CYP11A1: variants seen among roughly 807,000 people sequenced by gnomAD.
CYP11A1 encodes the protein cytochrome P450 family 11 subfamily A member 1.
Under a neutral mutation model 51.9 loss-of-function variants are expected in CYP11A1, and 25 were observed. The observed-to-expected ratio is 0.48, with a 90% CI of 0.35 to 0.67. The LOEUF is 0.67. Among genes scored for constraint, CYP11A1 ranks in the 30% least tolerant of loss-of-function variants. CYP11A1 has a pLI of 0.00. For missense variants in CYP11A1, 578 were observed against 680.9 expected, an observed-to-expected ratio of 0.85 and a Z score of 1.68; for synonymous variants, 245 against 262.1, an observed-to-expected ratio of 0.93 and a Z score of 0.63.
At chr15:74,343,237 C>G (rs2060616063) in intron 4 of CYP11A1, 100 bp from the exon 5 acceptor site, 1 of 1,251,064 alleles carries the variant, frequency 8.0e-7, no homozygotes, top group African/African-American at 1.5e-5. Context: ...CCTGGGGATT[C>G]CGGAGCCCTG....
intron 1 of CYP11A1, among the ~76,000 whole-genome samples, chr15:74,353,323 A>C (rs2060664247): frequency 6.6e-6 from 1 of 152,218 alleles, no homozygotes; most frequent in Admixed American, 6.5e-5. Context: ...ACATTTGGCT[A>C]ATTAACATTT....
intron 5 of CYP11A1, among the ~76,000 whole-genome samples, chr15:74,340,254 A>G (rs1018888514): frequency 6.6e-6 from 1 of 152,234 alleles, no homozygotes; most frequent in African/African-American, 2.4e-5. Context: ...CTGAAACCAG[A>G]CCAGCCGGAT....
At chr15:74,359,804 T>C (rs2060698915) in intron 1 of CYP11A1, among the ~76,000 whole-genome samples, 1 of 152,226 alleles carries the variant, frequency 6.6e-6, no homozygotes, top group Non-Finnish European at 1.5e-5. Flanking sequence ...CCCTGAAATC[T>C]GGCATGCCGG....
chr15:74,361,620 C>G, intron 1 of CYP11A1: 1 of 1,175,276 alleles, frequency 8.5e-7, no homozygotes, highest in Non-Finnish European at 1.3e-6. Context: ...CTCCTTTGAG[C>G]TGTTTGCAGA....
chr15:74,339,232 C>T lies in CYP11A1; in HGVS notation c.1236+5G>A, dbSNP rs1209921615. The stretch of plus-strand genomic sequence containing the variant: ...CAGAGCCTGCAGCCTGCTGGCTGCA[C>T]CTACCTTGGCAGGAATCATGTAATC... On this transcript the variant is annotated splice_donor_5th_base_variant and intron_variant, in intron 7 of 8. Coordinates refer to ENST00000268053, the MANE Select transcript of CYP11A1 (RefSeq NM_000781.3). 1.9e-6 allele frequency: 3 copies of T among 1,612,808 alleles called. No homozygotes were observed. The highest frequency in any genetic ancestry group is 2.5e-6 in the Non-Finnish European group (3 of 1,178,760).
At chr15:74,358,363 G>A (rs2060691369) in intron 1 of CYP11A1, among the ~76,000 whole-genome samples, 1 of 152,114 alleles carries the variant, frequency 6.6e-6, no homozygotes, top group Admixed American at 6.5e-5. Context: ...TTAGACCAAG[G>A]AAAATATCTC....
At chr15:74,348,258 C>T (rs1184319284) in intron 1 of CYP11A1, 1 of 603,262 alleles carries the variant, frequency 1.7e-6, no homozygotes, top group African/African-American at 1.9e-5. Flanking sequence ...AAGGACAAGA[C>T]AATAGGAAGT....
Position 74,338,529 on chromosome 15 carries a change from A to C in CYP11A1, c.1434+42T>G, listed in dbSNP as rs1210519102. ...GAAGATTGGTGCCTTCATTAGGGCC[A>C]GGGCCAGCCCAGGGTGCCTAGATGT... On this transcript the variant is annotated intron_variant, in intron 8 of 8. Transcript: ENST00000268053. 5.6e-6 allele frequency: 9 copies of C among 1,599,498 alleles called. No individual in the cohort carries two copies. The African/African-American group carries it at 1.2e-4, about 21-fold the overall frequency.
At position 74,367,602 on chromosome 15, in the gene CYP11A1, T is replaced by G. The variant is rs370441425; in HGVS notation, c.-17A>C. On this transcript the variant is annotated 5_prime_UTR_variant, in exon 1 of 9. Transcript: ENST00000268053. The stretch of plus-strand genomic sequence containing the variant: ...GGCCAGCATGCTGTCCCCACAGCTG[T>G]GACTGTACCTGCTCCACTTCAGCGG... The G allele has an allele frequency of 4.3e-6, 7 of 1,611,968 alleles. No homozygotes were observed. The African/African-American group carries it at 8.0e-5, about 18-fold the overall frequency.
In CYP11A1 at chr15:74,346,314, T is replaced by C. The variant is rs180979535; in HGVS notation, c.426-1071A>G. ...GTTGGAGTGAGCCAAGATCGTGCCA[T>C]TGCACTCCAGCCTGGGTGACAGAGC... On this transcript the variant is annotated intron_variant, in intron 2 of 8. Coordinates refer to ENST00000268053, the MANE Select transcript of CYP11A1 (RefSeq NM_000781.3). Among the ~76,000 whole-genome samples the C allele has an allele frequency of 5.1e-4, 72 of 142,424 alleles. 1 individual carries two copies. In the East Asian group the frequency reaches 0.014, roughly 28 times the overall value. The allele number at this position is 142,424 out of a possible 152,430, so 93.4% of individuals were successfully genotyped here.
chr15:74,367,177 C>T (rs1366086439), intron 1 of CYP11A1, 140 bp downstream of exon 1: 3 of 738,832 alleles, frequency 4.1e-6, no homozygotes, highest in Non-Finnish European at 6.5e-6. Context: ...TATTGTATTA[C>T]CAAAAAAAAA....
chr15:74,340,864 C>G (rs2060603694), intron 5 of CYP11A1, among the ~76,000 whole-genome samples: 1 of 152,050 alleles, frequency 6.6e-6, no homozygotes, highest in African/African-American at 2.4e-5. Context: ...CCAACACACA[C>G]CTAATGTTCC....
rs558768144 is a variant in CYP11A1, at chr15:74,361,912, G to A, written c.269+5405C>T. 1.2e-4 allele frequency: 132 copies of A among 1,115,898 alleles called. No individual in the cohort carries two copies. The East Asian group carries it at 3.1e-3, about 26-fold the overall frequency. 69.1% of individuals were successfully genotyped at this position (1,115,898 alleles called of 1,614,324 possible). ...TTCATCTGCACTGACAAGACTGAGT[G>A]GTGGATGGCAAGCATGTGGTCTTTG... On this transcript the variant is annotated intron_variant, in intron 1 of 8. Transcript: ENST00000268053.
At chr15:74,351,207 T>G (rs1330821336) in intron 1 of CYP11A1, among the ~76,000 whole-genome samples, 2 of 152,174 alleles carry the variant, frequency 1.3e-5, no homozygotes, top group Admixed American at 6.5e-5. Flanking sequence ...TTTCAGTCTT[T>G]CAGCGGCTGT....
At chr15:74,365,690 G>T (rs2060728999) in intron 1 of CYP11A1, 10 of 985,400 alleles carry the variant, frequency 1.0e-5, no homozygotes, top group African/African-American at 1.7e-5. Flanking sequence ...AGTTGGACAG[G>T]AGAGGTCCGG....
At chr15:74,364,879 A>G (rs1401610593) in intron 1 of CYP11A1, among the ~76,000 whole-genome samples, 1 of 152,146 alleles carries the variant, frequency 6.6e-6, no homozygotes, top group African/African-American at 2.4e-5. Context: ...CCAGCACTCA[A>G]CCTTGAATAG....
intron 1 of CYP11A1, chr15:74,366,994 G>T: frequency 2.6e-6 from 1 of 391,536 alleles, no homozygotes; most frequent in Non-Finnish European, 4.8e-6. Context: ...GGGATTATGG[G>T]TGTGAGCCAC....
Position 74,337,928 on chromosome 15 carries a change from C to A in CYP11A1, c.*44G>T, listed in dbSNP as rs776969642. ...AGATGCAGAGACCCCATGGGCCCCACCCCTGGGCCTTCCTCCCATGTGGCT... is the reference window on the plus strand; with the variant it reads ...AGATGCAGAGACCCCATGGGCCCCAACCCTGGGCCTTCCTCCCATGTGGCT... On this transcript the variant is annotated 3_prime_UTR_variant, in exon 9 of 9. Transcript: ENST00000268053. The A allele has an allele frequency of 6.2e-7, 1 of 1,612,392 alleles. No individual in the cohort carries two copies. Among genetic ancestry groups the A allele is most frequent in the Non-Finnish European group, 8.5e-7 (1 of 1,179,804 alleles).
intron 1 of CYP11A1, among the ~76,000 whole-genome samples, chr15:74,349,069 T>C (rs58844886): frequency 0.13 from 19,969 of 152,020 alleles, 1,527 homozygotes; most frequent in East Asian, 0.32. Flanking sequence ...CATGAAGAGA[T>C]GAGGACACGG....
Sources: gnomAD v4.1 joint callset for allele counts (sites outside exome capture counted in the v4.1 genomes callset) on GRCh38, gnomAD v4.1.1 for gene constraint, MANE v1.5 for transcripts, NCBI Gene and HGNC (gene_info 2026-07-23, HGNC 2026-07-21) for gene names.